The following UNG variants were observed in gnomAD, a reference collection of about 807,000 sequenced individuals.
UNG encodes uracil-DNA glycosylase.
UNG carries 34 observed loss-of-function variants against 36.5 expected under a neutral mutation model. The observed-to-expected ratio is 0.93, with a 90% CI of 0.71 to 1.24. The LOEUF (loss-of-function observed/expected upper bound fraction) is 1.24, where lower values mean the gene tolerates loss of function less well. UNG is among the 50% of genes most tolerant of loss of function. UNG has a pLI of 0.00. For missense variants in UNG, 391 were observed against 397.6 expected, an observed-to-expected ratio of 0.98 and a Z score of 0.14; for synonymous variants, 172 against 157.8, an observed-to-expected ratio of 1.09 and a Z score of -0.67.
chr12:109,106,934 TAA>T (rs1491570132), intron 6 of UNG, among the ~76,000 whole-genome samples: 1 of 39,906 alleles, frequency 2.5e-5, no homozygotes, highest in African/African-American at 1.4e-4. Context: ...TATATATATA[TAA>T]AAAATATTTT....
At chr12:109,099,372 C>T (rs2042160010) in intron 3 of UNG, 88 bp downstream of exon 3, 1 of 1,107,630 alleles carries the variant, frequency 9.0e-7, no homozygotes, top group African/African-American at 1.6e-5. Flanking sequence ...AGCCACAGTC[C>T]ATCATTCAGT....
chr12:109,098,045 G>T, intron 1 of UNG: 1 of 1,360,888 alleles, frequency 7.3e-7, no homozygotes, highest in Non-Finnish European at 9.5e-7. Flanking sequence ...CGCGCCGCAG[G>T]CCCTCCTGGC....
In UNG at chr12:109,097,765, A is replaced by C. The variant is rs765512122; in HGVS notation, c.86A>C (p.Gln29Pro). The change falls in exon 1 of 7, where the codon CAG becomes CCG. Residue 29 changes from glutamine (Q) to proline (P), a missense_variant. Coordinates refer to ENST00000242576, the MANE Select transcript of UNG (RefSeq NM_080911.3). The part of the protein sequence containing the change: ...RHAPSPEPAV[Q>P]GTGVAGVPEE... ...GCCCCCAGCCCCGAGCCGGCCGTCCAGGGGACCGGCGTGGCTGGGGTGCCT... is the reference window on the plus strand; with the variant it reads ...GCCCCCAGCCCCGAGCCGGCCGTCCCGGGGACCGGCGTGGCTGGGGTGCCT... 9.6e-6 allele frequency: 15 copies of C among 1,568,202 alleles called. No homozygotes were observed. The highest frequency in any genetic ancestry group is 1.9e-5 in the Admixed American group (1 of 53,726).
rs556731955 is a variant in UNG, at chr12:109,103,070, G to A, written c.622+143G>A. 308 of 694,324 alleles carry A rather than the reference G, an allele frequency of 4.4e-4. 1 individual carries two copies. In the South Asian group the frequency reaches 4.7e-3, roughly 11 times the overall value. 43.0% of individuals were successfully genotyped at this position (694,324 alleles called of 1,614,324 possible). A position where few individuals can be genotyped will look rare whatever the true frequency, so the allele number is the denominator to read the frequency against. The stretch of plus-strand genomic sequence containing the variant: ...AGGTTCAGGCGATTCTCATGCCTCA[G>A]CCTCCTGAGTAGCTGGGACCACAGG... On this transcript the variant is annotated intron_variant, in intron 5 of 6. Coordinates refer to ENST00000242576, the MANE Select transcript of UNG (RefSeq NM_080911.3).
chr12:109,101,793 A>C, intron 3 of UNG, 109 bp from the exon 4 acceptor site: 1 of 917,566 alleles, frequency 1.1e-6, no homozygotes, highest in Non-Finnish European at 1.8e-6. Flanking sequence ...GCTATTAGCA[A>C]TCTATGCCAT....
At chr12:109,109,555 C>T (rs1002108643) in intron 6 of UNG, among the ~76,000 whole-genome samples, 3 of 151,350 alleles carry the variant, frequency 2.0e-5, no homozygotes, top group Admixed American at 6.6e-5. Flanking sequence ...GAGGCCAAGG[C>T]GAGCGGATCA....
intron 4 of UNG, 125 bp downstream of exon 4, chr12:109,102,124 A>G (rs2042182990): frequency 2.4e-6 from 2 of 837,378 alleles, no homozygotes; most frequent in Non-Finnish European, 2.0e-6. Context: ...TCTCGGCCTC[A>G]GCACCATTGA....
intron 6 of UNG, 83 bp downstream of exon 6, chr12:109,103,694 G>A: frequency 1.4e-6 from 2 of 1,418,264 alleles, no homozygotes; most frequent in South Asian, 2.6e-5. Context: ...TCCCTGCTGT[G>A]TTTGGTCCTG....
intron 3 of UNG, 40 bp downstream of exon 3, chr12:109,099,324 A>G (rs775997944): frequency 1.9e-5 from 30 of 1,538,830 alleles, no homozygotes; most frequent in Non-Finnish European, 2.6e-5. Context: ...GGGGAGAAGG[A>G]GTCAAATAGT....
In UNG at chr12:109,099,375, C is replaced by T. The variant is rs2042160056; in HGVS notation, c.435+91C>T. 5 of 1,077,882 alleles carry T rather than the reference C, an allele frequency of 4.6e-6. No homozygotes were observed. The Admixed American group carries it at 5.4e-5, about 12-fold the overall frequency. The allele number at this position is 1,077,882 out of a possible 1,614,324, so 66.8% of individuals were successfully genotyped here. A position where few individuals can be genotyped will look rare whatever the true frequency, so the allele number is the denominator to read the frequency against. On this transcript the variant is annotated intron_variant, in intron 3 of 6. Transcript: ENST00000242576. ...ACACTGGAGTTAAGCCACAGTCCATCATTCAGTAGTAAATAAAACACTGAA... is the reference window on the plus strand; with the variant it reads ...ACACTGGAGTTAAGCCACAGTCCATTATTCAGTAGTAAATAAAACACTGAA...
chr12:109,103,539 T>C lies in UNG; in HGVS notation c.729T>C (p.Asn243=). The change falls in exon 6 of 7, where the codon AAT becomes AAC. Residue 243 remains asparagine, a synonymous_variant. Transcript: ENST00000242576. The part of the protein sequence containing the change: ...QFTDAVVSWL[N]QNSNGLVFLL... ...CTGATGCAGTTGTGTCCTGGCTAAA[T>C]CAGAACTCGAATGGCCTTGTTTTCT... 1 of 1,614,182 alleles carries C rather than the reference T, an allele frequency of 6.2e-7. No individual in the cohort carries two copies. Among genetic ancestry groups the C allele is most frequent in the Non-Finnish European group, 8.5e-7 (1 of 1,180,036 alleles).
intron 1 of UNG, chr12:109,098,184 C>A (rs1165307194): frequency 2.1e-6 from 3 of 1,422,336 alleles, no homozygotes; most frequent in African/African-American, 1.4e-5. Context: ...GCAGGGTTCC[C>A]AGTCACCGCG....
chr12:109,102,056 T>G, intron 4 of UNG, 57 bp downstream of exon 4: 1 of 1,502,116 alleles, frequency 6.7e-7, no homozygotes, highest in Admixed American at 1.7e-5. Flanking sequence ...AGATGTGTAC[T>G]TAGCTTATTA....
rs1435067951 is a variant in UNG, at chr12:109,110,513, A to G, written c.*544A>G. On this transcript the variant is annotated 3_prime_UTR_variant, in exon 7 of 7. Transcript: ENST00000242576. ...GCAACTTTCCAGAATCTGGCCCAGA[A>G]ATTAGGGCTCAATTTCCTGATTGTA... 6.1e-6 allele frequency: 1 copy of G among 164,948 alleles called. No homozygotes were observed. Among genetic ancestry groups the G allele is most frequent in the Non-Finnish European group, 1.3e-5 (1 of 74,754 alleles). The allele number at this position is 164,948 out of a possible 1,614,324, so 10.2% of individuals were successfully genotyped here.
At chr12:109,107,518 CT>C (rs34833015) in intron 6 of UNG, among the ~76,000 whole-genome samples, 8,270 of 89,440 alleles carry the variant, frequency 0.092, 421 homozygotes, top group East Asian at 0.22. Flanking sequence ...GACTATTCCT[CT>C]TTTTTTTTTT....
chr12:109,097,877 G>T, intron 1 of UNG, 66 bp downstream of exon 1: 1 of 1,451,650 alleles, frequency 6.9e-7, no homozygotes, highest in South Asian at 1.4e-5. Context: ...CCCGCCTGAC[G>T]GAGGGCGTGC....
chr12:109,105,590 C>T (rs948617069), intron 6 of UNG, among the ~76,000 whole-genome samples: 9 of 152,202 alleles, frequency 5.9e-5, no homozygotes, highest in African/African-American at 2.2e-4. Context: ...CGAAGTTTCT[C>T]CTTTTCTCAT....
intron 6 of UNG, among the ~76,000 whole-genome samples, chr12:109,104,129 A>G (rs1025648246): frequency 6.7e-6 from 1 of 150,234 alleles, no homozygotes. Context: ...GCTCACTGCA[A>G]CCTCCGCCTG....
At chr12:109,108,997 TA>T (rs2042239416) in intron 6 of UNG, among the ~76,000 whole-genome samples, 1 of 152,180 alleles carries the variant, frequency 6.6e-6, no homozygotes, top group Non-Finnish European at 1.5e-5. Context: ...CACTTCATTG[TA>T]AAAGAAGCTT....
Sources: gnomAD v4.1 joint callset for allele counts (sites outside exome capture counted in the v4.1 genomes callset) on GRCh38, gnomAD v4.1.1 for gene constraint, MANE v1.5 for transcripts, NCBI Gene and HGNC (gene_info 2026-07-23, HGNC 2026-07-21) for gene names.